C7: variants seen among roughly 807,000 people sequenced by gnomAD.
C7 encodes the protein complement C7.
In C7, 83 loss-of-function variants were observed where a neutral mutation model predicts 104.8. The ratio of observed to expected loss-of-function variants is 0.79; its 90% CI spans 0.66 to 0.95. The LOEUF (loss-of-function observed/expected upper bound fraction) is 0.95. Ranked by LOEUF, C7 falls within the 40% of genes least tolerant of loss-of-function variation. C7 has a pLI of 0.00. For missense variants in C7, 1,070 were observed against 1,011.2 expected (o/e 1.06, Z -0.79); for synonymous variants, 415 against 360.6 (o/e 1.15, Z -1.71).
In C7 at chr5:40,925,912, G is replaced by A. The variant is rs192977364; in HGVS notation, c.7-2668G>A. 2.9e-4 allele frequency among the ~76,000 whole-genome samples: 44 copies of A among 152,178 alleles called. No homozygotes were observed. The East Asian group carries it at 8.5e-3, about 29-fold the overall frequency. On this transcript the variant is annotated intron_variant, in intron 1 of 17. Coordinates refer to ENST00000313164, the MANE Select transcript of C7 (RefSeq NM_000587.4). ...GAATACTTTCAAATTCTTTTTACAA[G>A]GCCAGTGTTATCCTGATATCAAAGC...
intron 15 of C7, among the ~76,000 whole-genome samples, chr5:40,975,026 T>C (rs1019858552): frequency 1.3e-5 from 2 of 152,198 alleles, no homozygotes; most frequent in Non-Finnish European, 2.9e-5. Flanking sequence ...TCCCTAGTGA[T>C]TTCCAGATGT....
At position 40,947,999 on chromosome 5, in the gene C7, A is replaced by G. The variant is rs117149700; in HGVS notation, c.982+154A>G. 1.9e-4 allele frequency among the ~76,000 whole-genome samples: 29 copies of G among 152,330 alleles called. No individual in the cohort carries two copies. In the East Asian group the frequency reaches 5.2e-3, roughly 27 times the overall value. Reference sequence around the variant, plus strand: ...AAATTGCAAGAATGTATTATTGTCTACTTAAAATCTTATATGGTTTAAGAA... The same window carrying G: ...AAATTGCAAGAATGTATTATTGTCTGCTTAAAATCTTATATGGTTTAAGAA... On this transcript the variant is annotated intron_variant, in intron 8 of 17. Coordinates refer to ENST00000313164, the MANE Select transcript of C7 (RefSeq NM_000587.4).
At chr5:40,925,172 C>T (rs1313631835) in intron 1 of C7, among the ~76,000 whole-genome samples, 1 of 152,106 alleles carries the variant, frequency 6.6e-6, no homozygotes, top group Non-Finnish European at 1.5e-5. Context: ...TTTCTTTGCT[C>T]TTAAATCTGA....
chr5:40,957,901 A>G lies in C7; in HGVS notation c.1261-132A>G, dbSNP rs187698527. 1,258 of 566,114 alleles carry G rather than the reference A, an allele frequency of 2.2e-3. 22 individuals carry two copies. The highest frequency in any genetic ancestry group is 0.021 in the African/African-American group (1,118 of 53,212). 35.1% of individuals were successfully genotyped at this position (566,114 alleles called of 1,614,324 possible). ...GTGCACTGTTTTCCTTTGTATTTGC[A>G]TAAGAAACAATTGTAACAAACTTGC... is the stretch of plus-strand genomic sequence containing the variant. On this transcript the variant is annotated intron_variant, in intron 10 of 17. Coordinates refer to ENST00000313164, the MANE Select transcript of C7 (RefSeq NM_000587.4).
At chr5:40,913,381 T>C (rs1739249981) in intron 1 of C7, among the ~76,000 whole-genome samples, 4 of 152,184 alleles carry the variant, frequency 2.6e-5, no homozygotes. Context: ...ATCTCCATAC[T>C]GTTTTTTATG....
At chr5:40,970,732 A>G (rs1740681072) in intron 14 of C7, among the ~76,000 whole-genome samples, 1 of 151,648 alleles carries the variant, frequency 6.6e-6, no homozygotes, top group Admixed American at 6.6e-5. Flanking sequence ...TGCATTAGGT[A>G]TTTTTCCTAA....
intron 8 of C7, among the ~76,000 whole-genome samples, chr5:40,948,764 C>T (rs1461711282): frequency 6.6e-6 from 1 of 152,104 alleles, no homozygotes; most frequent in Non-Finnish European, 1.5e-5. Flanking sequence ...CCCACATTTC[C>T]CTCTCTATTC....
intron 3 of C7, among the ~76,000 whole-genome samples, chr5:40,933,733 A>G (rs986412455): frequency 4.6e-5 from 7 of 152,278 alleles, no homozygotes; most frequent in Non-Finnish European, 8.8e-5. Flanking sequence ...AGGAATCACC[A>G]TCACTCTTCT....
chr5:40,947,739 C>T lies in C7; in HGVS notation c.876C>T (p.Tyr292=), dbSNP rs752600975. ...HLPSLYDYSA[Y]RRLIDQYGTH... ...CCTCTCTGTATGACTACAGTGCCTA[C>T]CGAAGATTAATCGACCAGTACGGGA... The change falls in exon 8 of 18, where the codon TAC becomes TAT. Residue 292 remains tyrosine, a synonymous_variant. Transcript: ENST00000313164. The T allele has an allele frequency of 2.4e-5, 38 of 1,613,632 alleles. No homozygotes were observed. Among genetic ancestry groups the T allele is most frequent in the Non-Finnish European group, 2.9e-5 (34 of 1,179,780 alleles).
At chr5:40,960,048 A>G (rs1353618866) in intron 12 of C7, among the ~76,000 whole-genome samples, 1 of 152,206 alleles carries the variant, frequency 6.6e-6, no homozygotes, top group African/African-American at 2.4e-5. Flanking sequence ...AGTTTGTATT[A>G]CTTTTCAGAT....
In C7 at chr5:40,947,601, G is replaced by A. The variant is rs1041036020; in HGVS notation, c.739-1G>A. The A allele has an allele frequency of 7.4e-6, 12 of 1,612,914 alleles. No homozygotes were observed. The highest frequency in any genetic ancestry group is 9.3e-6 in the Non-Finnish European group (11 of 1,179,496). Reference sequence around the variant, plus strand: ...CCTTGTACTCTTTCTTCTTTCCACAGAGTTACCAACTGCTGGTTGTTGAGA... The same window carrying A: ...CCTTGTACTCTTTCTTCTTTCCACAAAGTTACCAACTGCTGGTTGTTGAGA... On this transcript the variant is annotated splice_acceptor_variant, in intron 7 of 17. Transcript: ENST00000313164. LOFTEE classifies it high-confidence loss of function.
intron 11 of C7, 93 bp downstream of exon 11, chr5:40,958,354 A>C: frequency 1.4e-6 from 1 of 704,874 alleles, no homozygotes; most frequent in South Asian, 3.4e-5. Flanking sequence ...TTGTGTATGA[A>C]GAGATGAAGT....
At chr5:40,952,543 G>A (rs1579859958) in intron 9 of C7, among the ~76,000 whole-genome samples, 3 of 148,546 alleles carry the variant, frequency 2.0e-5, no homozygotes, top group East Asian at 2.0e-4. Context: ...TGTGCACAAC[G>A]TGCAGGTTTG....
Position 40,972,403 on chromosome 5 carries a change from A to C in C7, c.1883A>C (p.Lys628Thr). 6.2e-7 allele frequency: 1 copy of C among 1,613,642 alleles called. No individual in the cohort carries two copies. The highest frequency in any genetic ancestry group is 8.5e-7 in the Non-Finnish European group (1 of 1,179,658). Residue 628 changes from lysine (K) to threonine (T), a missense_variant and splice_region_variant, in exon 15 of 18, where the codon AAA becomes ACA. Coordinates refer to ENST00000313164, the MANE Select transcript of C7 (RefSeq NM_000587.4). ...RWLVGEMHCQ[K>T]IACVLPVLMD... ...ATATTTTGCTCTCTTTTATCTTTAG[A>C]AATTGCCTGTGTTCTACCTGTACTG...
intron 9 of C7, among the ~76,000 whole-genome samples, chr5:40,953,612 GC>G (rs2111649382): frequency 8.2e-6 from 1 of 121,834 alleles, no homozygotes; most frequent in South Asian, 2.6e-4. Context: ...CTGCACTGCA[GC>G]CTAGCAACAG....
At chr5:40,943,853 G>A (rs1739993991) in intron 6 of C7, among the ~76,000 whole-genome samples, 1 of 151,914 alleles carries the variant, frequency 6.6e-6, no homozygotes, top group African/African-American at 2.4e-5. Context: ...TATCTTTTTA[G>A]CATGCATATC....
At chr5:40,931,202 A>G in intron 3 of C7, 63 bp downstream of exon 3, 6 of 1,207,176 alleles carry the variant, frequency 5.0e-6, no homozygotes, top group South Asian at 3.8e-5. Context: ...CATGGCCAAA[A>G]TGGTATTAAC....
At chr5:40,910,995 T>A (rs542346168) in intron 1 of C7, 109 of 152,298 alleles carry the variant, frequency 7.2e-4, no homozygotes, top group South Asian at 1.7e-3. Flanking sequence ...ATAATAAATA[T>A]ACTTCTATCC....
chr5:40,934,570 C>T, intron 4 of C7, 104 bp downstream of exon 4: 1 of 1,138,278 alleles, frequency 8.8e-7, no homozygotes, highest in South Asian at 1.5e-5. Context: ...TTTATATTGG[C>T]CTAAAGTTAA....
Sources: gnomAD v4.1 joint callset for allele counts (sites outside exome capture counted in the v4.1 genomes callset) on GRCh38, gnomAD v4.1.1 for gene constraint, MANE v1.5 for transcripts, NCBI Gene and HGNC (gene_info 2026-07-23, HGNC 2026-07-21) for gene names.